The following QTMAN variants were observed in gnomAD, a reference collection of about 807,000 sequenced individuals.
QTMAN encodes queuosine-tRNA mannosyltransferase, also known as tRNA-queuosine alpha-mannosyltransferase.
At chr2:144,303,216 A>G in the QTMAN span, among the ~76,000 whole-genome samples, 2 of 152,222 alleles carry the variant, frequency 1.3e-5, no homozygotes, top group African/African-American at 4.8e-5. Flanking sequence ...AGGAAACGGT[A>G]TTACCAAAGA....
chr2:143,957,980 C>T, the QTMAN span, among the ~76,000 whole-genome samples: 1 of 152,124 alleles, frequency 6.6e-6, no homozygotes, highest in African/African-American at 2.4e-5. Flanking sequence ...GATACCTGCT[C>T]ATCAGCCCTT....
At chr2:144,028,604 C>T in the QTMAN span, among the ~76,000 whole-genome samples, 1 of 152,156 alleles carries the variant, frequency 6.6e-6, no homozygotes, top group East Asian at 1.9e-4. Context: ...TGAGACCACG[C>T]TTCCACCGAT....
chr2:144,281,395 C>CAAAAAAAAAA, the QTMAN span, among the ~76,000 whole-genome samples: 30 of 60,586 alleles, frequency 5.0e-4, no homozygotes, highest in East Asian at 1.8e-3. Flanking sequence ...ATTGTTATAG[C>CAAAAAAAAAA]AAAAAAAAAA....
chr2:144,000,447 C>G, the QTMAN span, among the ~76,000 whole-genome samples: 1 of 151,902 alleles, frequency 6.6e-6, no homozygotes, highest in Non-Finnish European at 1.5e-5. Context: ...AAACTTATCA[C>G]CAAATTGAGA....
At chr2:144,100,859 C>CTTTTTTTTTTT in the QTMAN span, among the ~76,000 whole-genome samples, 22 of 77,920 alleles carry the variant, frequency 2.8e-4, 1 homozygote, top group South Asian at 4.8e-4. Flanking sequence ...GTCTTTCTTT[C>CTTTTTTTTTTT]TTTTTTTTTT....
chr2:144,115,976 G>A, the QTMAN span, among the ~76,000 whole-genome samples: 1 of 152,132 alleles, frequency 6.6e-6, no homozygotes, highest in Non-Finnish European at 1.5e-5. Flanking sequence ...TACCCTGCAA[G>A]TCTGTTTCTT....
the QTMAN span, among the ~76,000 whole-genome samples, chr2:144,116,307 G>C: frequency 7.7e-6 from 1 of 130,504 alleles, no homozygotes; most frequent in African/African-American, 2.8e-5. Context: ...GGGTGGGGGG[G>C]TGGGGGGGAG....
At chr2:144,278,260 C>T in the QTMAN span, among the ~76,000 whole-genome samples, 2 of 152,134 alleles carry the variant, frequency 1.3e-5, no homozygotes, top group African/African-American at 2.4e-5. Context: ...AACGATTACA[C>T]CTTAATAAAT....
the QTMAN span, among the ~76,000 whole-genome samples, chr2:144,091,765 A>C: frequency 6.6e-6 from 1 of 152,242 alleles, no homozygotes; most frequent in Admixed American, 6.5e-5. Flanking sequence ...GGTAATATTT[A>C]AAAACTAAAA....
the QTMAN span, among the ~76,000 whole-genome samples, chr2:144,027,719 AACACACACGCACACCCAGAG>A: frequency 6.6e-6 from 1 of 152,220 alleles, no homozygotes; most frequent in African/African-American, 2.4e-5. Context: ...CATTGCTTTA[AACACACACGCACACCCAGAG>A]ACACACACCA....
the QTMAN span, among the ~76,000 whole-genome samples, chr2:143,966,093 T>C: frequency 6.6e-6 from 1 of 152,204 alleles, no homozygotes; most frequent in Non-Finnish European, 1.5e-5. Context: ...CTCACCGTTA[T>C]CAACTCCTGC....
chr2:144,319,834 T>C, the QTMAN span: 1 of 152,204 alleles, frequency 6.6e-6, no homozygotes, highest in Non-Finnish European at 1.5e-5. Context: ...ATGTCACATA[T>C]AAATTCTTGG....
chr2:143,997,055 A>G, the QTMAN span, among the ~76,000 whole-genome samples: 1 of 152,142 alleles, frequency 6.6e-6, no homozygotes, highest in African/African-American at 2.4e-5. Context: ...AGTTACCACA[A>G]GTGAAAAAAC....
the QTMAN span, among the ~76,000 whole-genome samples, chr2:144,231,964 T>C: frequency 6.6e-6 from 1 of 151,630 alleles, no homozygotes. Context: ...TGAACTTAAC[T>C]GGATCAAGTG....
chr2:144,330,764 T>C, the QTMAN span, among the ~76,000 whole-genome samples: 2 of 152,210 alleles, frequency 1.3e-5, no homozygotes, highest in Non-Finnish European at 2.9e-5. Context: ...CTGAATTACC[T>C]AGTTAAGTGT....
chr2:143,941,917 G>A, the QTMAN span: 1 of 151,744 alleles, frequency 6.6e-6, no homozygotes, highest in Admixed American at 6.6e-5. Flanking sequence ...AAAAAACTTT[G>A]TTTCTGTAAC....
the QTMAN span, among the ~76,000 whole-genome samples, chr2:144,240,262 A>G: frequency 6.6e-6 from 1 of 152,238 alleles, no homozygotes; most frequent in Non-Finnish European, 1.5e-5. Flanking sequence ...AAACATTTGC[A>G]TAGGGATTTA....
At chr2:144,160,899 A>T in the QTMAN span, among the ~76,000 whole-genome samples, 1 of 152,162 alleles carries the variant, frequency 6.6e-6, no homozygotes, top group Non-Finnish European at 1.5e-5. Context: ...ATGGTCTGGA[A>T]ATTCACCTAA....
the QTMAN span, among the ~76,000 whole-genome samples, chr2:144,164,644 A>C: frequency 6.6e-6 from 1 of 152,158 alleles, no homozygotes; most frequent in Non-Finnish European, 1.5e-5. Flanking sequence ...CACTGCACTT[A>C]AGTAATTCCT....
Sources: gnomAD v4.1 joint callset for allele counts (sites outside exome capture counted in the v4.1 genomes callset) on GRCh38, gnomAD v4.1.1 for gene constraint, MANE v1.5 for transcripts, NCBI Gene and HGNC (gene_info 2026-07-23, HGNC 2026-07-21) for gene names.